The following TRPM3 variants were observed in gnomAD, a reference collection of about 807,000 sequenced individuals.
The protein encoded by TRPM3 is long transient receptor potential channel 3.
A neutral mutation model predicts 181.2 loss-of-function variants in TRPM3; 77 were observed. That is an observed-to-expected ratio of 0.42 (90% CI 0.35 to 0.51). The LOEUF (loss-of-function observed/expected upper bound fraction) is 0.51, where lower values mean the gene tolerates loss of function less well. Ranked by LOEUF, TRPM3 falls within the 20% of genes least tolerant of loss-of-function variation. TRPM3 has a pLI of 0.01. For synonymous variants in TRPM3, 745 were observed against 796.4 expected, an observed-to-expected ratio of 0.94 and a Z score of 1.09; for missense variants, 1,759 against 2,196.7, an observed-to-expected ratio of 0.80 and a Z score of 3.98.
chr9:71,437,252 A>G (rs544131154), intron 1 of TRPM3, among the ~76,000 whole-genome samples: 1 of 152,360 alleles, frequency 6.6e-6, no homozygotes, highest in Admixed American at 6.5e-5. Context: ...AAAAGGAAAG[A>G]CAGAATCATA....
chr9:70,687,814 A>G (rs1422031403), intron 8 of TRPM3, among the ~76,000 whole-genome samples: 1 of 152,174 alleles, frequency 6.6e-6, no homozygotes, highest in East Asian at 1.9e-4. Flanking sequence ...TCTTGCATGT[A>G]GTTGATTTGT....
At chr9:71,194,723 G>T (rs902806538) in intron 1 of TRPM3, among the ~76,000 whole-genome samples, 3 of 151,684 alleles carry the variant, frequency 2.0e-5, no homozygotes, top group African/African-American at 7.3e-5. Flanking sequence ...TGGAAAATAT[G>T]TTTTAGCCAT....
intron 16 of TRPM3, among the ~76,000 whole-genome samples, chr9:70,619,585 T>A (rs2063329911): frequency 6.6e-6 from 1 of 151,504 alleles, no homozygotes; most frequent in South Asian, 2.1e-4. Flanking sequence ...AGCTAATTTT[T>A]AATTTTTTTT....
At chr9:70,827,276 T>C (rs2093611714) in intron 6 of TRPM3, 1 of 151,824 alleles carries the variant, frequency 6.6e-6, no homozygotes, top group African/African-American at 2.4e-5. Context: ...CTGATTCTTT[T>C]GCTTTTCTGT....
chr9:70,857,169 A>G (rs112430588), intron 3 of TRPM3, among the ~76,000 whole-genome samples: 11 of 152,226 alleles, frequency 7.2e-5, no homozygotes, highest in African/African-American at 2.6e-4. Flanking sequence ...GGGGCATCTG[A>G]GTGAACTGCA....
chr9:70,971,971 C>A (rs190747279), intron 1 of TRPM3, among the ~76,000 whole-genome samples: 1 of 152,254 alleles, frequency 6.6e-6, no homozygotes, highest in Admixed American at 6.5e-5. Context: ...GACACTGCAA[C>A]CTTCAAACAC....
In TRPM3 at chr9:71,251,697, C is replaced by A. The variant is rs1317954378; in HGVS notation, c.183+194956G>T. Among the ~76,000 whole-genome samples the A allele has an allele frequency of 3.3e-5, 5 of 152,166 alleles. No homozygotes were observed. The East Asian group carries it at 9.7e-4, about 29-fold the overall frequency. On this transcript the variant is annotated intron_variant, in intron 1 of 24. Transcript: ENST00000357533. ...GTTATTCATCCCCTCAAGTATTTAT[C>A]CTTTTTGTTACAAACAATCCAATTA...
chr9:70,804,018 G>A (rs1276297309), intron 6 of TRPM3, among the ~76,000 whole-genome samples: 1 of 152,052 alleles, frequency 6.6e-6, no homozygotes, highest in East Asian at 2.0e-4. Flanking sequence ...CTTCCTCTTT[G>A]CCTTGTCCCT....
At chr9:70,647,602 G>C (rs1212165833) in intron 9 of TRPM3, among the ~76,000 whole-genome samples, 1 of 152,134 alleles carries the variant, frequency 6.6e-6, no homozygotes, top group African/African-American at 2.4e-5. Flanking sequence ...ACAGGCGAAA[G>C]CTGGAAGCAT....
rs1436417411 is a variant in TRPM3 at position 70,531,435 on chromosome 9, A to G, written c.*4518T>C. 1.3e-5 allele frequency: 2 copies of G among 152,228 alleles called. No individual in the cohort carries two copies. The highest frequency in any genetic ancestry group is 2.9e-5 in the Non-Finnish European group (2 of 68,042). 9.4% of individuals were successfully genotyped at this position (152,228 alleles called of 1,614,324 possible). A position where few individuals can be genotyped will look rare whatever the true frequency, so the allele number is the denominator to read the frequency against. On this transcript the variant is annotated 3_prime_UTR_variant, in exon 26 of 26. Coordinates refer to ENST00000677713, the MANE Select transcript of TRPM3 (RefSeq NM_001366145.2). Reference sequence around the variant, plus strand: ...TCACAGCAGGCAATAGTAAAATGTTAAGTGCCTTAGAAAAGTCAAAAGAAA... The same window carrying G: ...TCACAGCAGGCAATAGTAAAATGTTGAGTGCCTTAGAAAAGTCAAAAGAAA...
chr9:71,134,012 TGTGCGCGTGC>T (rs1188228787), intron 1 of TRPM3, among the ~76,000 whole-genome samples: 6 of 131,426 alleles, frequency 4.6e-5, no homozygotes, highest in African/African-American at 7.9e-5. Flanking sequence ...TGTGTGTGTG[TGTGCGCGTGC>T]GCGCGCGCGC....
chr9:71,132,465 C>T (rs556852036), intron 1 of TRPM3, among the ~76,000 whole-genome samples: 126 of 152,218 alleles, frequency 8.3e-4, no homozygotes, highest in Admixed American at 3.0e-3. Flanking sequence ...AGGGATCATT[C>T]GGGAGATTAA....
intron 1 of TRPM3, among the ~76,000 whole-genome samples, chr9:71,308,656 G>A (rs906875349): frequency 6.6e-6 from 1 of 152,012 alleles, no homozygotes; most frequent in Non-Finnish European, 1.5e-5. Flanking sequence ...AAAGTAATGG[G>A]GGTTTTTTGA....
chr9:70,530,823 G>C lies in TRPM3; in HGVS notation c.*5130C>G, dbSNP rs1226504346. ...GAAAGCTTAGGTCAATGCAGGCTGA[G>C]AGGAAAGTTTTGTCTACTCATTTTA... On this transcript the variant is annotated 3_prime_UTR_variant, in exon 26 of 26. Coordinates refer to ENST00000677713, the MANE Select transcript of TRPM3 (RefSeq NM_001366145.2). The C allele has an allele frequency of 1.3e-5, 2 of 152,218 alleles. No individual in the cohort carries two copies. The highest frequency in any genetic ancestry group is 3.8e-4 in the East Asian group (2 of 5,198). The allele number at this position is 152,218 out of a possible 1,614,324, so 9.4% of individuals were successfully genotyped here.
upstream of TRPM3, among the ~76,000 whole-genome samples, chr9:71,126,501 T>C (rs2074038545): frequency 6.6e-6 from 1 of 152,208 alleles, no homozygotes. Flanking sequence ...TTTTCCAAAA[T>C]ATTAGATCTC....
chr9:70,900,744 C>T (rs530120213), intron 1 of TRPM3, among the ~76,000 whole-genome samples: 1 of 152,122 alleles, frequency 6.6e-6, no homozygotes, highest in Non-Finnish European at 1.5e-5. Flanking sequence ...CGCCCTAAAT[C>T]GTGGTGATGG....
In TRPM3 at chr9:71,292,787, AT is replaced by A. The variant is rs773700494; in HGVS notation, c.183+153865del. On this transcript the variant is annotated intron_variant, in intron 1 of 24. Coordinates refer to the TRPM3 transcript ENST00000357533. ...AGAAAGGGGAGAAATACTTCTACAA[AT>A]TTTTTACAAGTCTAACTTTTGATAC... Among the ~76,000 whole-genome samples, 15 of 151,944 alleles carry A rather than the reference AT, an allele frequency of 9.9e-5. No individual in the cohort carries two copies. The South Asian group carries it at 2.9e-3, about 29-fold the overall frequency.
intron 1 of TRPM3, among the ~76,000 whole-genome samples, chr9:71,271,250 A>G (rs1348041357): frequency 6.6e-6 from 1 of 151,972 alleles, no homozygotes; most frequent in African/African-American, 2.4e-5. Flanking sequence ...TCTCACACTT[A>G]TTCATAGCTT....
intron 9 of TRPM3, among the ~76,000 whole-genome samples, chr9:70,655,657 T>C (rs891912741): frequency 6.6e-6 from 1 of 152,154 alleles, no homozygotes; most frequent in Non-Finnish European, 1.5e-5. Context: ...TTATGTTTAA[T>C]TGGCAATTAA....
Sources: allele counts gnomAD v4.1 joint callset (sites outside exome capture counted in the v4.1 genomes callset), GRCh38; gene constraint gnomAD v4.1.1; transcripts MANE v1.5; gene names NCBI Gene and HGNC (gene_info 2026-07-23, HGNC 2026-07-21).